Variants in KCNQ5 observed in about 807,000 individuals in gnomAD.
The protein encoded by KCNQ5 is potassium voltage-gated channel subfamily Q member 5.
Under a neutral mutation model 98.2 loss-of-function variants are expected in KCNQ5, and 30 were observed. The observed-to-expected ratio is 0.31, with a 90% CI of 0.23 to 0.41. The LOEUF (loss-of-function observed/expected upper bound fraction) is 0.41. Among genes scored for constraint, KCNQ5 ranks in the 10% least tolerant of loss-of-function variants. KCNQ5 has a pLI of 1.00. For missense variants in KCNQ5, 835 were observed against 1,182.5 expected, an observed-to-expected ratio of 0.71 and a Z score of 4.31; for synonymous variants, 458 against 449.4, an observed-to-expected ratio of 1.02 and a Z score of -0.24.
At position 73,032,422 on chromosome 6, in the gene KCNQ5, T is replaced by C. The variant is rs114885013; in HGVS notation, c.490-9514T>C. On this transcript the variant is annotated intron_variant, in intron 2 of 13. Coordinates refer to ENST00000370398, the MANE Select transcript of KCNQ5 (RefSeq NM_019842.4). ...ACCTCAAGTGATCTGCTTACCAAGG[T>C]CTCCCAGAGTGCTGAGATTATGGGC... is the stretch of plus-strand genomic sequence containing the variant. Among the ~76,000 whole-genome samples, 688 of 152,112 alleles carry C rather than the reference T, an allele frequency of 4.5e-3. 9 individuals are homozygous for C. The highest frequency in any genetic ancestry group is 0.016 in the African/African-American group (670 of 41,490).
In KCNQ5 at chr6:72,785,611, T is replaced by C. The variant is rs545740511; in HGVS notation, c.398+163024T>C. On this transcript the variant is annotated intron_variant, in intron 1 of 13. Transcript: ENST00000370398. ...GTTGCAGTGAGCCAAGATCGCACCA[T>C]TGCACTCCAGCCTGGGCAACAAGAG... Among the ~76,000 whole-genome samples the C allele has an allele frequency of 5.3e-5, 8 of 151,080 alleles. 1 individual carries two copies. The South Asian group carries it at 1.3e-3, about 24-fold the overall frequency.
chr6:72,980,785 A>T (rs1025979492), intron 1 of KCNQ5, among the ~76,000 whole-genome samples: 2 of 152,164 alleles, frequency 1.3e-5, no homozygotes, highest in Non-Finnish European at 2.9e-5. Context: ...GTTTTTGCCC[A>T]TTCAGTATGA....
intron 9 of KCNQ5, 123 bp from the exon 10 acceptor site, chr6:73,133,298 C>T: frequency 1.3e-6 from 1 of 761,582 alleles, no homozygotes; most frequent in Non-Finnish European, 2.1e-6. Flanking sequence ...TGCTATGCTC[C>T]TACGTGCTGA....
chr6:72,660,115 T>C (rs142950312), intron 1 of KCNQ5, among the ~76,000 whole-genome samples: 3 of 152,330 alleles, frequency 2.0e-5, no homozygotes, highest in African/African-American at 7.2e-5. Context: ...ATTACTGAAG[T>C]GTTATGAATA....
intron 1 of KCNQ5, among the ~76,000 whole-genome samples, chr6:72,855,272 T>G (rs1022454205): frequency 6.8e-6 from 1 of 147,232 alleles, no homozygotes; most frequent in African/African-American, 2.5e-5. Context: ...CTAAGGAACA[T>G]GAAAGCCCTG....
At chr6:72,705,599 T>TGTTG (rs61202040) in intron 1 of KCNQ5, among the ~76,000 whole-genome samples, 2,943 of 151,326 alleles carry the variant, frequency 0.019, 61 homozygotes, top group African/African-American at 0.053. Flanking sequence ...TGTTTTTTTT[T>TGTTG]TTGTTGTTGT....
At chr6:73,161,585 A>G (rs1427474097) in intron 10 of KCNQ5, among the ~76,000 whole-genome samples, 2 of 152,228 alleles carry the variant, frequency 1.3e-5, no homozygotes, top group African/African-American at 4.8e-5. Flanking sequence ...ATGTACTCCA[A>G]AAAAATGTAC....
At chr6:73,107,990 G>C (rs1421246265) in intron 6 of KCNQ5, among the ~76,000 whole-genome samples, 2 of 152,192 alleles carry the variant, frequency 1.3e-5, no homozygotes, top group African/African-American at 2.4e-5. Context: ...TTGTCTGATT[G>C]AAATTTAGGA....
chr6:73,136,311 A>G (rs45586535), intron 10 of KCNQ5, among the ~76,000 whole-genome samples: 2,804 of 152,338 alleles, frequency 0.018, 35 homozygotes, highest in Non-Finnish European at 0.03. Context: ...TTTAATTTGG[A>G]AAACAAATTC....
chr6:72,939,369 C>A (rs1334648815), intron 1 of KCNQ5, among the ~76,000 whole-genome samples: 1 of 152,222 alleles, frequency 6.6e-6, no homozygotes, highest in Non-Finnish European at 1.5e-5. Flanking sequence ...TGCGTTCTTT[C>A]TCCAGAGACA....
At chr6:72,849,702 A>G (rs1486852305) in intron 1 of KCNQ5, among the ~76,000 whole-genome samples, 1 of 152,200 alleles carries the variant, frequency 6.6e-6, no homozygotes, top group African/African-American at 2.4e-5. Context: ...TTCTTTCCAC[A>G]TAGCCCTCTA....
chr6:72,934,826 T>A (rs1765833936), intron 1 of KCNQ5, among the ~76,000 whole-genome samples: 2 of 152,130 alleles, frequency 1.3e-5, no homozygotes, highest in Non-Finnish European at 2.9e-5. Flanking sequence ...TTTAAGCATC[T>A]CACTTCTTAT....
chr6:72,777,457 G>A (rs1015480091), intron 1 of KCNQ5, among the ~76,000 whole-genome samples: 1 of 152,132 alleles, frequency 6.6e-6, no homozygotes, highest in African/African-American at 2.4e-5. Flanking sequence ...GGAGTCTTGA[G>A]CTAGACTCCT....
At chr6:72,986,961 C>A in intron 1 of KCNQ5, 1 of 807,978 alleles carries the variant, frequency 1.2e-6, no homozygotes, top group Non-Finnish European at 2.1e-6. Flanking sequence ...GCAGAAGAGC[C>A]CCAGGGAGCA....
chr6:73,177,368 C>T (rs1778250673), intron 11 of KCNQ5, among the ~76,000 whole-genome samples: 1 of 152,174 alleles, frequency 6.6e-6, no homozygotes, highest in Non-Finnish European at 1.5e-5. Context: ...GATCAGTGAA[C>T]TGAAGAACCA....
At chr6:73,125,563 C>T (rs1397804670) in intron 9 of KCNQ5, 2 of 485,524 alleles carry the variant, frequency 4.1e-6, no homozygotes, top group South Asian at 3.0e-5. Flanking sequence ...AGGGATTGTT[C>T]TTTTAGCTTA....
chr6:72,770,614 C>G (rs966429579), intron 1 of KCNQ5, among the ~76,000 whole-genome samples: 1 of 151,882 alleles, frequency 6.6e-6, no homozygotes, highest in Non-Finnish European at 1.5e-5. Context: ...AGAAAGAAAA[C>G]ATTATTCATA....
At chr6:72,977,957 G>C (rs1217378362) in intron 1 of KCNQ5, among the ~76,000 whole-genome samples, 2 of 152,248 alleles carry the variant, frequency 1.3e-5, no homozygotes, top group Non-Finnish European at 2.9e-5. Context: ...TCAATGAATT[G>C]ATTAGTACCT....
At chr6:72,819,448 T>C (rs1033968653) in intron 1 of KCNQ5, among the ~76,000 whole-genome samples, 2 of 152,204 alleles carry the variant, frequency 1.3e-5, no homozygotes, top group African/African-American at 4.8e-5. Flanking sequence ...ATTACATAAC[T>C]TGATTCATAT....
Sources: allele counts gnomAD v4.1 joint callset (sites outside exome capture counted in the v4.1 genomes callset), GRCh38; gene constraint gnomAD v4.1.1; transcripts MANE v1.5; gene names NCBI Gene and HGNC (gene_info 2026-07-23, HGNC 2026-07-21).